Variants in GPR137B observed in about 807,000 individuals in gnomAD.
The protein encoded by GPR137B is integral membrane protein GPR137B.
Under a neutral mutation model 42.5 loss-of-function variants are expected in GPR137B, and 42 were observed. The ratio of observed to expected loss-of-function variants is 0.99; its 90% CI spans 0.77 to 1.28. GPR137B has a LOEUF of 1.28. GPR137B is among the 50% of genes most tolerant of loss of function. The pLI is 0.00. For synonymous variants in GPR137B, 218 were observed against 209.7 expected, an observed-to-expected ratio of 1.04 and a Z score of -0.34; for missense variants, 487 against 493.9, an observed-to-expected ratio of 0.99 and a Z score of 0.13.
chr1:236,181,463 A>C (rs150109195), intron 4 of GPR137B, among the ~76,000 whole-genome samples: 83 of 152,332 alleles, frequency 5.4e-4, no homozygotes, highest in East Asian at 4.2e-3. Context: ...ATTAGCCATT[A>C]ACAATAAAGA....
At chr1:236,154,330 G>A (rs780921324) in intron 1 of GPR137B, among the ~76,000 whole-genome samples, 2 of 152,092 alleles carry the variant, frequency 1.3e-5, no homozygotes, top group African/African-American at 2.4e-5. Context: ...CGCGTCATCC[G>A]TCCCCCGAGG....
Position 236,178,576 on chromosome 1 carries a change from C to A in GPR137B, c.627C>A (p.Leu209=). 1 of 1,612,980 alleles carries A rather than the reference C, an allele frequency of 6.2e-7. No homozygotes were observed. The highest frequency in any genetic ancestry group is 1.1e-5 in the South Asian group (1 of 91,016). ...DTLFVLCAVS[L]SICLYKISKM... is the part of the protein sequence containing the mutation. ...TCTTCGTGCTGTGTGCCGTCTCTCTCTCCATCTGTCTCTACAAAATCTCTA... is the reference window on the plus strand; with the variant it reads ...TCTTCGTGCTGTGTGCCGTCTCTCTATCCATCTGTCTCTACAAAATCTCTA... Residue 209 remains leucine (L), a synonymous_variant, in exon 3 of 7, where the codon CTC becomes CTA. Coordinates refer to ENST00000366592, the MANE Select transcript of GPR137B (RefSeq NM_003272.4).
intron 1 of GPR137B, among the ~76,000 whole-genome samples, chr1:236,143,965 A>AT (rs1661610313): frequency 6.6e-6 from 1 of 152,040 alleles, no homozygotes; most frequent in African/African-American, 2.4e-5. Context: ...TAAGATGTCC[A>AT]TTTTCACTAG....
intron 1 of GPR137B, among the ~76,000 whole-genome samples, chr1:236,164,079 C>T (rs1436842131): frequency 6.6e-6 from 1 of 151,982 alleles, no homozygotes; most frequent in Non-Finnish European, 1.5e-5. Flanking sequence ...CTCCCCACAC[C>T]TCTCACACTT....
At chr1:236,168,305 C>A (rs1183118436) in intron 1 of GPR137B, among the ~76,000 whole-genome samples, 1 of 151,996 alleles carries the variant, frequency 6.6e-6, no homozygotes, top group East Asian at 1.9e-4. Flanking sequence ...CACCTGTAAT[C>A]CCAGCTACTT....
rs573537266 is a variant in GPR137B at position 236,144,634 on chromosome 1, C to A, written c.414+1598C>A. ...TCCGGTCGGAGAGTAATGCGTATTG[C>A]CTGTCCAAGTACAACCTTTAAACCT... is the stretch of plus-strand genomic sequence containing the variant. On this transcript the variant is annotated intron_variant, in intron 1 of 6. Transcript: ENST00000366592. Among the ~76,000 whole-genome samples the A allele has an allele frequency of 6.3e-4, 96 of 152,356 alleles. No individual in the cohort carries two copies. In the South Asian group the frequency reaches 0.019, roughly 30 times the overall value.
At chr1:236,173,008 T>A (rs576353070) in intron 2 of GPR137B, among the ~76,000 whole-genome samples, 4 of 151,272 alleles carry the variant, frequency 2.6e-5, no homozygotes, top group Admixed American at 1.3e-4. Context: ...TCCCTTTCTT[T>A]AAGTGAAAAA....
At chr1:236,161,151 C>G (rs1662180905) in intron 1 of GPR137B, among the ~76,000 whole-genome samples, 1 of 152,100 alleles carries the variant, frequency 6.6e-6, no homozygotes, top group African/African-American at 2.4e-5. Context: ...TCATTTTCAC[C>G]TTCTCTGTCA....
intron 5 of GPR137B, among the ~76,000 whole-genome samples, chr1:236,191,706 C>A (rs772066410): frequency 5.9e-5 from 9 of 152,166 alleles, no homozygotes; most frequent in Non-Finnish European, 1.3e-4. Flanking sequence ...AAGCTTTGTC[C>A]CAGAGGGGCA....
intron 5 of GPR137B, among the ~76,000 whole-genome samples, chr1:236,201,533 T>G (rs1297214088): frequency 1.3e-5 from 2 of 152,064 alleles, no homozygotes; most frequent in Non-Finnish European, 2.9e-5. Flanking sequence ...TGAAGTCCTT[T>G]CTTTTCTACT....
At position 236,143,099 on chromosome 1, in the gene GPR137B, A is replaced by G; in HGVS notation, c.414+63A>G. On this transcript the variant is annotated intron_variant, in intron 1 of 6. Coordinates refer to ENST00000366592, the MANE Select transcript of GPR137B (RefSeq NM_003272.4). The stretch of plus-strand genomic sequence containing the variant: ...CGGGGTGGTCCCCGCGGGGCGCCCG[A>G]GGCAGGGGCGATGGCAGCCGCGGGG... 4 of 1,449,316 alleles carry G rather than the reference A, an allele frequency of 2.8e-6. No individual in the cohort carries two copies. The Middle Eastern group carries it at 5.5e-4, about 198-fold the overall frequency. 89.8% of individuals were successfully genotyped at this position (1,449,316 alleles called of 1,614,324 possible).
intron 1 of GPR137B, among the ~76,000 whole-genome samples, chr1:236,152,810 C>T: frequency 6.6e-6 from 1 of 151,918 alleles, no homozygotes; most frequent in South Asian, 2.1e-4. Flanking sequence ...ATAATCCCAG[C>T]ACTTTGGGAG....
intron 2 of GPR137B, among the ~76,000 whole-genome samples, chr1:236,170,278 A>G (rs1194108676): frequency 6.6e-6 from 1 of 152,216 alleles, no homozygotes; most frequent in Non-Finnish European, 1.5e-5. Flanking sequence ...AATCGTATAC[A>G]TATTTTATTT....
chr1:236,163,025 C>G (rs1051175232), intron 1 of GPR137B, among the ~76,000 whole-genome samples: 1 of 152,168 alleles, frequency 6.6e-6, no homozygotes, highest in African/African-American at 2.4e-5. Flanking sequence ...AACACCAGCC[C>G]GTGAAAGCAG....
intron 1 of GPR137B, 67 bp downstream of exon 1, chr1:236,143,103 A>G: frequency 2.1e-6 from 3 of 1,418,920 alleles, no homozygotes; most frequent in Non-Finnish European, 2.9e-6. Flanking sequence ...CGCCCGAGGC[A>G]GGGGCGATGG....
chr1:236,143,174 G>A (rs890655792), intron 1 of GPR137B, 138 bp downstream of exon 1: 15 of 702,852 alleles, frequency 2.1e-5, no homozygotes, highest in Non-Finnish European at 3.6e-5. Context: ...GCCGGCTCTG[G>A]GGTCGTCCGA....
rs915830658 is a variant in GPR137B, at chr1:236,205,039, T to C, written c.967-87T>C. On this transcript the variant is annotated intron_variant, in intron 5 of 6. Coordinates refer to ENST00000366592, the MANE Select transcript of GPR137B (RefSeq NM_003272.4). ...TACATTCAAATGAATAGAACATCTT[T>C]AGTCTCCTACAAGAAAGAGATCTTA... is the stretch of plus-strand genomic sequence containing the variant. 7 of 1,040,242 alleles carry C rather than the reference T, an allele frequency of 6.7e-6. No individual in the cohort carries two copies. The African/African-American group carries it at 9.4e-5, about 14-fold the overall frequency. 64.4% of individuals were successfully genotyped at this position (1,040,242 alleles called of 1,614,324 possible).
chr1:236,178,398 C>T lies in GPR137B; in HGVS notation c.465-16C>T, dbSNP rs747593018. On this transcript the variant is annotated splice_polypyrimidine_tract_variant and intron_variant, in intron 2 of 6. Coordinates refer to ENST00000366592, the MANE Select transcript of GPR137B (RefSeq NM_003272.4). ...CCTGGGATGTGCAGCTGACAAGTTG[C>T]TCTCATGCCTTCCAGGTTGCCCCTC... 2 of 1,534,242 alleles carry T rather than the reference C, an allele frequency of 1.3e-6. No homozygotes were observed. Among genetic ancestry groups the T allele is most frequent in the Admixed American group, 3.3e-5 (2 of 59,912 alleles).
Position 236,188,619 on chromosome 1 carries a change from G to A in GPR137B, c.966+4713G>A, listed in dbSNP as rs182602804. Among the ~76,000 whole-genome samples the A allele has an allele frequency of 2.0e-3, 298 of 152,246 alleles. 4 individuals are homozygous for A. Among genetic ancestry groups the A allele is most frequent in the Admixed American group, 0.01 (158 of 15,284 alleles). ...TGGTTCTGTTTATGTGATGGATTAC[G>A]TTTATTGATTTGTGTATGTCGAACC... On this transcript the variant is annotated intron_variant, in intron 5 of 6. Coordinates refer to ENST00000366592, the MANE Select transcript of GPR137B (RefSeq NM_003272.4).
Sources: allele counts gnomAD v4.1 joint callset (sites outside exome capture counted in the v4.1 genomes callset), GRCh38; gene constraint gnomAD v4.1.1; transcripts MANE v1.5; gene names NCBI Gene and HGNC (gene_info 2026-07-23, HGNC 2026-07-21).